The following PFKFB3 variants were observed in gnomAD, a reference collection of about 807,000 sequenced individuals.
The protein encoded by PFKFB3 is 6-phosphofructo-2-kinase/fructose-2,6-biphosphatase 3.
In PFKFB3, 33 loss-of-function variants were observed where a neutral mutation model predicts 68.0. The observed-to-expected ratio is 0.49, with a 90% confidence interval of 0.37 to 0.65. PFKFB3 has a LOEUF of 0.65. PFKFB3 is among the 30% of genes least tolerant of loss of function. PFKFB3 has a pLI of 0.00. For missense variants in PFKFB3, 586 were observed against 712.2 expected, an observed-to-expected ratio of 0.82 and a Z score of 2.02; for synonymous variants, 315 against 288.2, an observed-to-expected ratio of 1.09 and a Z score of -0.94.
chr10:6,174,938 C>T (rs1842420157), intron 1 of PFKFB3, among the ~76,000 whole-genome samples: 1 of 151,962 alleles, frequency 6.6e-6, no homozygotes, highest in South Asian at 2.1e-4. Flanking sequence ...GCCTTAGCCT[C>T]CCAAGTAGCT....
At chr10:6,157,846 C>T (rs963654107) in intron 1 of PFKFB3, among the ~76,000 whole-genome samples, 1 of 152,076 alleles carries the variant, frequency 6.6e-6, no homozygotes, top group Non-Finnish European at 1.5e-5. Context: ...TAATATGTAA[C>T]ACATGGCCTG....
intron 14 of PFKFB3, among the ~76,000 whole-genome samples, chr10:6,250,000 A>C (rs12249023): frequency 8.1e-4 from 124 of 152,326 alleles, no homozygotes; most frequent in African/African-American, 2.8e-3. Flanking sequence ...CATTTAAAAA[A>C]GCATTTTGTT....
At chr10:6,223,399 G>A (rs746698868) in intron 11 of PFKFB3, among the ~76,000 whole-genome samples, 25 of 152,208 alleles carry the variant, frequency 1.6e-4, no homozygotes, top group Admixed American at 2.6e-4. Context: ...TCCCTAGACA[G>A]ACCTAAATTG....
chr10:6,302,749 T>TACAC, the PFKFB3 span, among the ~76,000 whole-genome samples: 2,389 of 145,800 alleles, frequency 0.016, 75 homozygotes, highest in East Asian at 0.14. Flanking sequence ...TGTGTGTGTA[T>TACAC]ACACACACAC....
At chr10:6,173,598 G>T (rs574150698) in intron 1 of PFKFB3, among the ~76,000 whole-genome samples, 9 of 152,260 alleles carry the variant, frequency 5.9e-5, no homozygotes, top group Non-Finnish European at 1.3e-4. Flanking sequence ...TTGGAGAACA[G>T]CAAGGGAGGG....
the PFKFB3 span, among the ~76,000 whole-genome samples, chr10:6,275,355 A>C: frequency 2.0e-5 from 3 of 152,214 alleles, no homozygotes; most frequent in Non-Finnish European, 4.4e-5. This position sits in a 1 kb window ranked among gnomAD's most constrained non-coding sequence, Gnocchi z 4.9. Context: ...CAGTTCCCTC[A>C]GCGGAGCCAC....
intron 13 of PFKFB3, chr10:6,225,017 C>G (rs1013210406): frequency 2.4e-6 from 1 of 420,196 alleles, no homozygotes; most frequent in Non-Finnish European, 4.8e-6. Flanking sequence ...CAGGAGACCT[C>G]GAGGCCTGGC....
the PFKFB3 span, among the ~76,000 whole-genome samples, chr10:6,282,832 G>A: frequency 6.6e-6 from 1 of 152,166 alleles, no homozygotes; most frequent in African/African-American, 2.4e-5. Flanking sequence ...AGCGATAAGA[G>A]TATAGAAAGT....
chr10:6,196,354 A>G (rs1843175726), intron 1 of PFKFB3, among the ~76,000 whole-genome samples: 1 of 152,128 alleles, frequency 6.6e-6, no homozygotes, highest in Non-Finnish European at 1.5e-5. Context: ...GTAGAGGGAC[A>G]GAACTAATAG....
intron 14 of PFKFB3, among the ~76,000 whole-genome samples, chr10:6,241,200 T>A (rs998463404): frequency 1.3e-5 from 2 of 152,184 alleles, no homozygotes; most frequent in Non-Finnish European, 2.9e-5. Context: ...CCACCGCGCC[T>A]GGCCATAGAA....
At chr10:6,240,510 C>T (rs145510739), downstream of PFKFB3, among the ~76,000 whole-genome samples, 15 of 152,190 alleles carry the variant, frequency 9.9e-5, no homozygotes, top group South Asian at 1.2e-3. Flanking sequence ...GTGATCCGCC[C>T]GCCTCAGCCT....
chr10:6,224,543 C>T, intron 13 of PFKFB3: 1 of 479,236 alleles, frequency 2.1e-6, no homozygotes, highest in Non-Finnish European at 4.1e-6. Context: ...TGCGGTGGCG[C>T]AGTCACGGCT....
the PFKFB3 span, among the ~76,000 whole-genome samples, chr10:6,317,812 A>AT: frequency 2.0e-5 from 3 of 152,214 alleles, no homozygotes; most frequent in Non-Finnish European, 4.4e-5. Flanking sequence ...TGAAGAAGCC[A>AT]TGAAGAAATT....
Position 6,154,529 on chromosome 10 carries a change from C to T in PFKFB3, c.16+9516C>T, listed in dbSNP as rs1008293079. Among the ~76,000 whole-genome samples, 1 of 152,000 alleles carries T rather than the reference C, an allele frequency of 6.6e-6. No individual in the cohort carries two copies. Among genetic ancestry groups the T allele is most frequent in the Non-Finnish European group, 1.5e-5 (1 of 67,978 alleles). On this transcript the variant is annotated intron_variant, in intron 1 of 14. Coordinates refer to the PFKFB3 transcript ENST00000379789. This position sits in a 1 kb window ranked among gnomAD's most constrained non-coding sequence, Gnocchi z 4.6. The stretch of plus-strand genomic sequence containing the variant: ...TTCCAAAGTGCTGGGATCATAGGCG[C>T]GAGCCACCGCGCCTGGTGGGCTGAA...
chr10:6,207,660 A>G (rs1389699903), intron 1 of PFKFB3, among the ~76,000 whole-genome samples: 3 of 152,202 alleles, frequency 2.0e-5, no homozygotes, highest in Non-Finnish European at 4.4e-5. Context: ...CAGTAAAACA[A>G]CAAAACAAAA....
In PFKFB3 at chr10:6,228,418, G is replaced by A. The variant is rs1292752350; in HGVS notation, c.1515+2053G>A. 7.6e-6 allele frequency: 5 copies of A among 654,450 alleles called. No homozygotes were observed. Among genetic ancestry groups the A allele is most frequent in the Non-Finnish European group, 1.4e-5 (5 of 361,598 alleles). The allele number at this position is 654,450 out of a possible 1,614,324, so 40.5% of individuals were successfully genotyped here. ...GGAAAAGCGTGCAGGCGGTCATGGT[G>A]GCTGCACTACTGTTGGGTGTGTTCC... On this transcript the variant is annotated intron_variant, in intron 14 of 14. Coordinates refer to ENST00000379775, the MANE Select transcript of PFKFB3 (RefSeq NM_004566.4). This position sits in a 1 kb window ranked among gnomAD's most constrained non-coding sequence, Gnocchi z 4.5.
chr10:6,274,762 G>A, the PFKFB3 span, among the ~76,000 whole-genome samples: 1 of 152,084 alleles, frequency 6.6e-6, no homozygotes, highest in South Asian at 2.1e-4. Context: ...CTCGAGCCCG[G>A]GTGGTCGAGG....
chr10:6,178,605 G>C (rs899043424), intron 1 of PFKFB3, among the ~76,000 whole-genome samples: 1 of 152,130 alleles, frequency 6.6e-6, no homozygotes, highest in Non-Finnish European at 1.5e-5. Context: ...GGTCCCTCCT[G>C]CCCTCCCTCG....
chr10:6,202,947 G>T lies in PFKFB3; in HGVS notation c.-314G>T. On this transcript the variant is annotated 5_prime_UTR_variant, in exon 1 of 15. Coordinates refer to ENST00000379775, the MANE Select transcript of PFKFB3 (RefSeq NM_004566.4). ...GGGGCATCCCAGCCAAGCCGGAGAG[G>T]AGGCGAGCAGCAGGGCCTGGTGGCG... 8.0e-7 allele frequency: 1 copy of T among 1,251,078 alleles called. No homozygotes were observed. Among genetic ancestry groups the T allele is most frequent in the South Asian group, 2.0e-5 (1 of 49,780 alleles). The allele number at this position is 1,251,078 out of a possible 1,614,324, so 77.5% of individuals were successfully genotyped here.
Sources: gnomAD v4.1 joint callset for allele counts (sites outside exome capture counted in the v4.1 genomes callset) on GRCh38, gnomAD v4.1.1 for gene constraint, Gnocchi (gnomAD v3.1) non-coding constraint, MANE v1.5 for transcripts, NCBI Gene and HGNC (gene_info 2026-07-23, HGNC 2026-07-21) for gene names.